The following SETD2 variants were observed in gnomAD, a reference collection of about 807,000 sequenced individuals.
SETD2 encodes the protein SET domain containing 2, histone lysine methyltransferase.
A neutral mutation model predicts 242.1 loss-of-function variants in SETD2; 31 were observed. The observed-to-expected ratio is 0.13, with a 90% CI of 0.10 to 0.17. The LOEUF (loss-of-function observed/expected upper bound fraction) is 0.17. Ranked by LOEUF, SETD2 falls within the 10% of genes least tolerant of loss-of-function variation. The pLI is 1.00. For synonymous variants in SETD2, 1,006 were observed against 1,066.5 expected, an observed-to-expected ratio of 0.94 and a Z score of 1.11; for missense variants, 2,481 against 3,046.3, an observed-to-expected ratio of 0.81 and a Z score of 4.37.
At chr3:47,144,896 A>G (rs1232646806) in intron 1 of SETD2, among the ~76,000 whole-genome samples, 3 of 152,140 alleles carry the variant, frequency 2.0e-5, no homozygotes, top group African/African-American at 4.8e-5. Flanking sequence ...GGCTGCAGTG[A>G]GCTGAGATCA....
intron 14 of SETD2, among the ~76,000 whole-genome samples, chr3:47,060,410 G>A (rs1270705520): frequency 6.6e-6 from 1 of 152,098 alleles, no homozygotes; most frequent in Non-Finnish European, 1.5e-5. Flanking sequence ...TTTCCCAGAG[G>A]AAAACCAAGA....
intron 15 of SETD2, among the ~76,000 whole-genome samples, chr3:47,051,456 C>T (rs1217986723): frequency 6.6e-6 from 1 of 152,098 alleles, no homozygotes; most frequent in East Asian, 1.9e-4. Context: ...CCAGAGCAGC[C>T]AGTGATCCTC....
chr3:47,046,219 C>T (rs1420167658), intron 16 of SETD2, among the ~76,000 whole-genome samples: 1 of 151,646 alleles, frequency 6.6e-6, no homozygotes, highest in Non-Finnish European at 1.5e-5. Flanking sequence ...CACCTGTAAT[C>T]CCAGCTACTC....
chr3:47,107,460 T>C (rs890801163), intron 5 of SETD2, among the ~76,000 whole-genome samples: 2 of 150,844 alleles, frequency 1.3e-5, no homozygotes, highest in African/African-American at 5.0e-5. Context: ...TTATAGTGGA[T>C]GTATATATAT....
At chr3:47,085,400 C>T (rs992292306) in intron 11 of SETD2, among the ~76,000 whole-genome samples, 9 of 152,206 alleles carry the variant, frequency 5.9e-5, no homozygotes, top group Non-Finnish European at 1.3e-4. Flanking sequence ...AAAATGCAGA[C>T]ATCTCTTCAG....
intron 15 of SETD2, among the ~76,000 whole-genome samples, chr3:47,051,879 G>C (rs1003497770): frequency 1.3e-5 from 2 of 152,142 alleles, no homozygotes; most frequent in Admixed American, 6.5e-5. Context: ...GAATTTTTCT[G>C]ACAAGACCGG....
intron 12 of SETD2, among the ~76,000 whole-genome samples, chr3:47,080,606 A>T (rs1460522865): frequency 6.6e-6 from 1 of 152,222 alleles, no homozygotes; most frequent in Admixed American, 6.5e-5. Flanking sequence ...TTCTTCTGCA[A>T]ACAGAAATAT....
At chr3:47,025,500 C>G (rs2038432145) in intron 18 of SETD2, among the ~76,000 whole-genome samples, 1 of 152,206 alleles carries the variant, frequency 6.6e-6, no homozygotes, top group South Asian at 2.1e-4. Context: ...TACAACATTA[C>G]ATTAACCATA....
chr3:47,075,560 G>A (rs1332621286), intron 12 of SETD2, among the ~76,000 whole-genome samples: 9 of 49,076 alleles, frequency 1.8e-4, no homozygotes, highest in African/African-American at 8.9e-4. Context: ...TCAAAACTCC[G>A]TCTCAAAAAA....
rs2106653085 is a variant in SETD2 at position 47,121,527 on chromosome 3, C to A, written c.3109G>T (p.Asp1037Tyr). ...GAACTTTCAGAAGAGCCAGAATAATCTTCATGAACTGTAGACACAATTTCT... is the reference window on the plus strand; with the variant it reads ...GAACTTTCAGAAGAGCCAGAATAATATTCATGAACTGTAGACACAATTTCT... ...APEIVSTVHE[D>Y]YSGSSESSND... The change falls in exon 3 of 21, where the codon GAT (aspartate) becomes TAT (tyrosine). Residue 1037 changes from aspartate to tyrosine, a missense_variant. Around this residue, in one of 17 missense-constraint regions of SETD2, gnomAD observed 1,300 missense variants for 1,259.2 expected, o/e 1.03. Coordinates refer to ENST00000409792, the MANE Select transcript of SETD2 (RefSeq NM_014159.7). 6.2e-7 allele frequency: 1 copy of A among 1,614,146 alleles called. No homozygotes were observed. Among genetic ancestry groups the A allele is most frequent in the African/African-American group, 1.3e-5 (1 of 75,050 alleles).
intron 18 of SETD2, among the ~76,000 whole-genome samples, chr3:47,024,300 G>C (rs1265335955): frequency 6.6e-6 from 1 of 151,876 alleles, no homozygotes; most frequent in Admixed American, 6.6e-5. Context: ...GTGAAACACT[G>C]TCTCTACTAA....
At position 47,122,066 on chromosome 3, in the gene SETD2, C is replaced by G. The variant is rs1341456599; in HGVS notation, c.2570G>C (p.Gly857Ala). 3 of 1,613,724 alleles carry G rather than the reference C, an allele frequency of 1.9e-6. No individual in the cohort carries two copies. Among genetic ancestry groups the G allele is most frequent in the Non-Finnish European group, 2.5e-6 (3 of 1,179,964 alleles). The change falls in exon 3 of 21, where the codon GGT (glycine) becomes GCT (alanine). Residue 857 changes from glycine (G) to alanine (A), a missense_variant. Physicochemically the swap from Gly to Ala is moderately conservative, Grantham distance 60. Transcript: ENST00000409792. ...FACEEYKQSIGSTSSASVNHF... is the reference protein window; with the variant it reads ...FACEEYKQSIASTSSASVNHF... ...ATTAACAGAAGCTGAACTAGTGCTA[C>G]CGATGCTCTGCTTATATTCTTCACA... is the stretch of plus-strand genomic sequence containing the variant.
Position 47,017,665 on chromosome 3 carries a change from A to G in SETD2, c.7506T>C (p.Thr2502=). 1 of 1,613,916 alleles carries G rather than the reference A, an allele frequency of 6.2e-7. No homozygotes were observed. Among genetic ancestry groups the G allele is most frequent in the Non-Finnish European group, 8.5e-7 (1 of 1,179,766 alleles). ...TGCGAGCCAGATGTTTAAAGTCTTC[A>G]GTTGTGGTAATTCTTCCCACTTTGC... The part of the protein sequence containing the change: ...PDCKVGRITT[T]EDFKHLARKL... Residue 2502 remains threonine, a synonymous_variant, in exon 20 of 21, where the codon ACT becomes ACC. Coordinates refer to ENST00000409792, the MANE Select transcript of SETD2 (RefSeq NM_014159.7). This position sits in a 1 kb window ranked among gnomAD's most constrained non-coding sequence, Gnocchi z 4.8.
chr3:47,066,664 G>C (rs538995478), intron 13 of SETD2, among the ~76,000 whole-genome samples: 1 of 151,170 alleles, frequency 6.6e-6, no homozygotes, highest in East Asian at 1.9e-4. Context: ...TAAATATCTT[G>C]AGGTAAAGAC....
chr3:47,050,721 C>CTTTTTTTTTTTTTTTTT (rs1207924691), intron 15 of SETD2, among the ~76,000 whole-genome samples: 1 of 70,376 alleles, frequency 1.4e-5, no homozygotes. Flanking sequence ...CATTTCCTCT[C>CTTTTTTTTTTTTTTTTT]TCTTTTTTTT....
intron 1 of SETD2, among the ~76,000 whole-genome samples, chr3:47,136,962 G>T (rs1283629516): frequency 3.3e-5 from 5 of 151,880 alleles, no homozygotes; most frequent in Admixed American, 2.0e-4. Flanking sequence ...TAAAAAAAAG[G>T]ATTACCTAGT....
chr3:47,099,152 T>A (rs1265928149), intron 8 of SETD2, among the ~76,000 whole-genome samples: 3 of 152,140 alleles, frequency 2.0e-5, no homozygotes, highest in Non-Finnish European at 4.4e-5. Context: ...TGAAGGAGTA[T>A]GTAAAAGACC....
At chr3:47,113,106 C>T (rs1270949872) in intron 5 of SETD2, among the ~76,000 whole-genome samples, 1 of 148,208 alleles carries the variant, frequency 6.7e-6, no homozygotes, top group Non-Finnish European at 1.5e-5. Context: ...CTCTTCTACT[C>T]TTTTTTTTTT....
chr3:47,111,774 T>TCATA (rs2042660697), intron 5 of SETD2, among the ~76,000 whole-genome samples: 9 of 151,988 alleles, frequency 5.9e-5, no homozygotes, highest in Middle Eastern at 3.4e-3. Context: ...AACAATTTGC[T>TCATA]TATCAAAAGA....
Sources: gnomAD v4.1 joint callset for allele counts (sites outside exome capture counted in the v4.1 genomes callset) on GRCh38, gnomAD v4.1.1 for gene constraint, gnomAD v4.1.1 regional missense constraint, Gnocchi (gnomAD v3.1) non-coding constraint, MANE v1.5 for transcripts, NCBI Gene and HGNC (gene_info 2026-07-23, HGNC 2026-07-21) for gene names.